FBLN2: variants seen among roughly 807,000 people sequenced by gnomAD.
FBLN2 encodes fibulin-2.
FBLN2 carries 81 observed loss-of-function variants against 123.7 expected under a neutral mutation model. That is an observed-to-expected ratio of 0.65 (90% CI 0.55 to 0.79). FBLN2 has a LOEUF of 0.79. Ranked by LOEUF, FBLN2 falls within the 30% of genes least tolerant of loss-of-function variation. The pLI is 0.00. For synonymous variants in FBLN2, 699 were observed against 701.4 expected (o/e 1.00, Z 0.05); for missense variants, 1,603 against 1,681.3 (o/e 0.95, Z 0.81).
Position 13,571,434 on chromosome 3 carries a change from C to T in FBLN2, c.1079C>T (p.Pro360Leu), listed in dbSNP as rs199766689. ...STGPEGVTHAPSLGKAALVPT... is the reference protein window; with the variant it reads ...STGPEGVTHALSLGKAALVPT... ...GGGCCGGAGGGCGTGACGCATGCACCGAGCCTGGGCAAGGCTGCTCTCGTC... is the reference window on the plus strand; with the variant it reads ...GGGCCGGAGGGCGTGACGCATGCACTGAGCCTGGGCAAGGCTGCTCTCGTC... The change falls in exon 2 of 18, where the codon CCG becomes CTG. Residue 360 changes from proline (P) to leucine (L), a missense_variant. Coordinates refer to ENST00000404922, the MANE Select transcript of FBLN2 (RefSeq NM_001004019.2). The T allele has an allele frequency of 1.1e-4, 176 of 1,612,746 alleles. No individual in the cohort carries two copies. The highest frequency in any genetic ancestry group is 1.3e-4 in the Non-Finnish European group (159 of 1,179,560).
At chr3:13,578,231 T>C (rs115197646) in intron 2 of FBLN2, among the ~76,000 whole-genome samples, 2,571 of 152,318 alleles carry the variant, frequency 0.017, 86 homozygotes, top group African/African-American at 0.058. Context: ...AGTCCCCACT[T>C]TGAGGGAGCA....
intron 9 of FBLN2, among the ~76,000 whole-genome samples, chr3:13,624,768 C>T (rs1705971372): frequency 6.6e-6 from 1 of 152,268 alleles, no homozygotes; most frequent in Non-Finnish European, 1.5e-5. Flanking sequence ...GACACACCCA[C>T]TTGGTCACAG....
intron 16 of FBLN2, among the ~76,000 whole-genome samples, chr3:13,633,386 G>T (rs543987307): frequency 6.6e-6 from 1 of 152,388 alleles, no homozygotes; most frequent in African/African-American, 2.4e-5. Context: ...CCACCAGGAG[G>T]TTGGGGCAAG....
chr3:13,631,387 G>A lies in FBLN2; in HGVS notation c.3144G>A (p.Val1048=), dbSNP rs1340340917. Residue 1048 remains valine, a synonymous_variant, in exon 16 of 18, where the codon GTG becomes GTA. Coordinates refer to ENST00000404922, the MANE Select transcript of FBLN2 (RefSeq NM_001004019.2). The part of the protein sequence containing the change: ...GILCTFRCLN[V]PGSYQCACPE... ...TCTGCACCTTCCGCTGTCTCAACGT[G>A]CCAGGGAGCTACCAGTGTGCATGCC... 1.2e-6 allele frequency: 2 copies of A among 1,602,236 alleles called. No homozygotes were observed.
At chr3:13,612,876 A>G (rs56102906) in intron 4 of FBLN2, among the ~76,000 whole-genome samples, 5,697 of 152,292 alleles carry the variant, frequency 0.037, 380 homozygotes, top group African/African-American at 0.13. Context: ...GTAACATACC[A>G]TCCAAAACCT....
At chr3:13,590,008 AG>A (rs1704620564) in intron 2 of FBLN2, among the ~76,000 whole-genome samples, 2 of 152,216 alleles carry the variant, frequency 1.3e-5, no homozygotes, top group South Asian at 4.1e-4. Flanking sequence ...TTAATAGAAC[AG>A]CCCAGCAAGT....
In FBLN2 at chr3:13,565,286, C is replaced by T. The variant is rs79274071; in HGVS notation, c.-41-5029C>T. On this transcript the variant is annotated intron_variant, in intron 1 of 17. Transcript: ENST00000404922. ...CCAAAGCTGTGATAGCCCCACCTGC[C>T]GCTGGTCCTGTCTGGAGCCTGCTCT... is the stretch of plus-strand genomic sequence containing the variant. Among the ~76,000 whole-genome samples, 20 of 152,340 alleles carry T rather than the reference C, an allele frequency of 1.3e-4. No homozygotes were observed. The East Asian group carries it at 3.3e-3, about 25-fold the overall frequency.
chr3:13,632,425 C>T (rs1000719426), intron 16 of FBLN2, among the ~76,000 whole-genome samples: 4 of 152,168 alleles, frequency 2.6e-5, no homozygotes, highest in South Asian at 2.1e-4. Context: ...TTTCTTGGCC[C>T]GCAAAAGCAG....
intron 4 of FBLN2, among the ~76,000 whole-genome samples, chr3:13,611,940 A>G (rs1705404516): frequency 6.6e-6 from 1 of 152,186 alleles, no homozygotes; most frequent in South Asian, 2.1e-4. Flanking sequence ...CTGGCTGTCT[A>G]CAGCAGAGGT....
intron 1 of FBLN2, among the ~76,000 whole-genome samples, chr3:13,551,589 C>T (rs1341647151): frequency 6.6e-6 from 1 of 152,176 alleles, no homozygotes; most frequent in Non-Finnish European, 1.5e-5. Context: ...CTTACTGAGC[C>T]ACTAGTGGGA....
At chr3:13,625,626 TCA>T (rs1052269430) in intron 9 of FBLN2, among the ~76,000 whole-genome samples, 6 of 151,922 alleles carry the variant, frequency 3.9e-5, no homozygotes, top group African/African-American at 1.5e-4. Flanking sequence ...TCTTCCTGCC[TCA>T]CCTTCATCTC....
At chr3:13,603,042 C>A (rs1379893969) in intron 2 of FBLN2, among the ~76,000 whole-genome samples, 1 of 151,720 alleles carries the variant, frequency 6.6e-6, no homozygotes, top group African/African-American at 2.4e-5. Flanking sequence ...TCCCAAGTAG[C>A]TGGGATTACA....
intron 14 of FBLN2, 133 bp downstream of exon 14, chr3:13,630,078 C>T (rs1383472135): frequency 7.6e-7 from 1 of 1,308,622 alleles, no homozygotes; most frequent in African/African-American, 1.5e-5. Flanking sequence ...CATGCTGGCC[C>T]TTCCTTCCTC....
chr3:13,630,863 C>G (rs1441728301), intron 15 of FBLN2, 48 bp downstream of exon 15: 1 of 1,425,164 alleles, frequency 7.0e-7, no homozygotes, highest in Non-Finnish European at 9.7e-7. Flanking sequence ...TCACTCCTTT[C>G]CCTTGTGCCA....
At chr3:13,627,081 G>A (rs367558795) in intron 10 of FBLN2, among the ~76,000 whole-genome samples, 75 of 152,142 alleles carry the variant, frequency 4.9e-4, no homozygotes, top group Non-Finnish European at 8.5e-4. Context: ...TTGTGGTTGG[G>A]GCAGCGGGGT....
intron 11 of FBLN2, 115 bp downstream of exon 11, chr3:13,628,084 C>T: frequency 7.5e-7 from 1 of 1,336,952 alleles, no homozygotes; most frequent in Non-Finnish European, 1.0e-6. Context: ...CCATTCCTCT[C>T]CCAGCCCCCT....
chr3:13,603,119 G>A (rs1482938642), intron 2 of FBLN2, among the ~76,000 whole-genome samples: 1 of 151,596 alleles, frequency 6.6e-6, no homozygotes, highest in Non-Finnish European at 1.5e-5. Flanking sequence ...CATTATGTTG[G>A]CTAGGCTGGT....
chr3:13,600,284 T>C (rs1481931340), intron 2 of FBLN2, among the ~76,000 whole-genome samples: 1 of 152,076 alleles, frequency 6.6e-6, no homozygotes, highest in East Asian at 1.9e-4. Flanking sequence ...ATGCTACTCA[T>C]GGCACCTGCA....
chr3:13,570,994 G>A lies in FBLN2; in HGVS notation c.639G>A (p.Gly213=). Reference sequence around the variant, plus strand: ...AGGTGGAAGCAGCAACAGCCCTGGGGGGTGAGGTCCAGGCGGGTGCAGTCC... The same window carrying A: ...AGGTGGAAGCAGCAACAGCCCTGGGAGGTGAGGTCCAGGCGGGTGCAGTCC... ...VAEVEAATAL[G]GEVQAGAVQA... The change falls in exon 2 of 18, where the codon GGG becomes GGA. Residue 213 remains glycine (G), a synonymous_variant. Coordinates refer to ENST00000404922, the MANE Select transcript of FBLN2 (RefSeq NM_001004019.2). The A allele has an allele frequency of 1.9e-6, 3 of 1,606,830 alleles. No individual in the cohort carries two copies. The highest frequency in any genetic ancestry group is 2.5e-6 in the Non-Finnish European group (3 of 1,176,970).
Sources: gnomAD v4.1 joint callset for allele counts (sites outside exome capture counted in the v4.1 genomes callset) on GRCh38, gnomAD v4.1.1 for gene constraint, MANE v1.5 for transcripts, NCBI Gene and HGNC (gene_info 2026-07-23, HGNC 2026-07-21) for gene names.